CDH26: variants seen among roughly 807,000 people sequenced by gnomAD.
The protein encoded by CDH26 is cadherin-like protein 26.
In CDH26, 83 loss-of-function variants were observed where a neutral mutation model predicts 90.3. The observed-to-expected ratio is 0.92, with a 90% CI of 0.77 to 1.10. The LOEUF (loss-of-function observed/expected upper bound fraction) is 1.10, where lower values mean the gene tolerates loss of function less well. Ranked by LOEUF, CDH26 falls within the 50% of genes least tolerant of loss-of-function variation. CDH26 has a pLI of 0.00. For missense variants in CDH26, 1,013 were observed against 1,037.6 expected (o/e 0.98, Z 0.33); for synonymous variants, 397 against 396.3 (o/e 1.00, Z -0.02).
At chr20:59,971,066 C>T (rs1480261397) in intron 3 of CDH26, among the ~76,000 whole-genome samples, 2 of 152,122 alleles carry the variant, frequency 1.3e-5, no homozygotes, top group Non-Finnish European at 2.9e-5. Context: ...AGAATCTTTA[C>T]ACCAGGCTCA....
intron 1 of CDH26, among the ~76,000 whole-genome samples, chr20:59,968,007 CTTT>C (rs1344634970): frequency 1.7e-5 from 2 of 118,760 alleles, no homozygotes; most frequent in South Asian, 2.7e-4. Flanking sequence ...TTCTTTCTTT[CTTT>C]CTTCCTTTCT....
At chr20:59,983,171 GT>G in intron 5 of CDH26, 101 bp downstream of exon 5, 1 of 1,363,884 alleles carries the variant, frequency 7.3e-7, no homozygotes, top group Non-Finnish European at 1.0e-6. Context: ...TTCAGGGAGA[GT>G]TTTTACTGTT....
At chr20:59,966,860 G>A (rs1274746650) in intron 1 of CDH26, among the ~76,000 whole-genome samples, 1 of 152,080 alleles carries the variant, frequency 6.6e-6, no homozygotes, top group Non-Finnish European at 1.5e-5. Flanking sequence ...CCATCACTAG[G>A]AGAATGGATA....
At chr20:60,034,752 A>C (rs1206042858), downstream of CDH26, among the ~76,000 whole-genome samples, 2 of 152,228 alleles carry the variant, frequency 1.3e-5, no homozygotes, top group Non-Finnish European at 2.9e-5. Context: ...ACTGGAGCCA[A>C]GGCCCTGTCT....
At chr20:59,991,095 C>G (rs993206859) in intron 9 of CDH26, among the ~76,000 whole-genome samples, 1 of 152,052 alleles carries the variant, frequency 6.6e-6, no homozygotes, top group Non-Finnish European at 1.5e-5. Flanking sequence ...GTTTCCAACC[C>G]ACCCATAGAA....
In CDH26 at chr20:59,994,262, A is replaced by T; in HGVS notation, c.1439A>T (p.Gln480Leu). The change falls in exon 11 of 18, where the codon CAG becomes CTG. Residue 480 changes from glutamine to leucine, a missense_variant. By Grantham distance (113) the Gln-to-Leu change is moderately radical. Coordinates refer to ENST00000348616, the MANE Select transcript of CDH26 (RefSeq NM_177980.4). ...IHAVDDGFPP[Q>L]TATGTLMLFL... The stretch of plus-strand genomic sequence containing the variant: ...CTCCCCATACAAGGCTTCCCACCGC[A>T]GACTGCTACAGGGACCCTAATGCTC... 1 of 1,613,964 alleles carries T rather than the reference A, an allele frequency of 6.2e-7. No individual in the cohort carries two copies. The highest frequency in any genetic ancestry group is 8.5e-7 in the Non-Finnish European group (1 of 1,180,006).
In CDH26 at chr20:59,987,602, C is replaced by T. The variant is rs750282815; in HGVS notation, c.987C>T (p.Asp329=). 2.5e-6 allele frequency: 4 copies of T among 1,613,558 alleles called. No individual in the cohort carries two copies. In the South Asian group the frequency reaches 4.4e-5, roughly 18 times the overall value. Residue 329 remains aspartate (D), a synonymous_variant, in exon 8 of 18, where the codon GAC becomes GAT. Transcript: ENST00000348616. ...AGGGGCATTTTGACATTTCGACTGACCCTGAGACCAACGAAGGGATATTAA... is the reference window on the plus strand; with the variant it reads ...AGGGGCATTTTGACATTTCGACTGATCCTGAGACCAACGAAGGGATATTAA... The part of the protein sequence containing the change: ...NEEGHFDIST[D]PETNEGILNV...
intron 16 of CDH26, among the ~76,000 whole-genome samples, chr20:60,006,499 A>G (rs1036065560): frequency 1.3e-5 from 2 of 152,154 alleles, no homozygotes; most frequent in African/African-American, 2.4e-5. Context: ...CAGCCCAGGC[A>G]TTGGAAAGTC....
chr20:60,035,530 T>C (rs2122806765), downstream of CDH26, among the ~76,000 whole-genome samples: 1 of 152,344 alleles, frequency 6.6e-6, no homozygotes, highest in South Asian at 2.1e-4. Flanking sequence ...GAGCCACTTA[T>C]TTTCCTGTGA....
chr20:60,001,274 C>T, intron 14 of CDH26, 69 bp from the exon 15 acceptor site: 1 of 1,592,190 alleles, frequency 6.3e-7, no homozygotes, highest in Non-Finnish European at 8.6e-7. Context: ...AGAGGTCACG[C>T]ATGCCCACTT....
Position 59,989,119 on chromosome 20 carries a change from C to T in CDH26, c.1239C>T (p.Thr413=). Residue 413 remains threonine (T), a synonymous_variant, in exon 9 of 18, where the codon ACC becomes ACT. Coordinates refer to ENST00000348616, the MANE Select transcript of CDH26 (RefSeq NM_177980.4). ...VNKEEGARPG[T]LLGTFNAMDP... is the part of the protein sequence containing the mutation. ...AAGAGGAGGGCGCCAGGCCTGGGAC[C>T]CTGTTGGGAACTTTTAATGCCATGG... 2 of 1,614,164 alleles carry T rather than the reference C, an allele frequency of 1.2e-6. No individual in the cohort carries two copies. Among genetic ancestry groups the T allele is most frequent in the Non-Finnish European group, 1.7e-6 (2 of 1,180,034 alleles).
At chr20:60,021,883 C>CATAT (rs1192514496) in intron 7 of CDH26, among the ~76,000 whole-genome samples, 1 of 65,544 alleles carries the variant, frequency 1.5e-5, no homozygotes, top group Non-Finnish European at 4.0e-5. Context: ...CACACACACA[C>CATAT]ACACACACAC....
exon 8 of CDH26, chr20:60,031,310 C>T (rs1198250952): frequency 1.5e-6 from 2 of 1,294,404 alleles, no homozygotes; most frequent in Non-Finnish European, 2.0e-6. Flanking sequence ...CGAGGATTGC[C>T]ACAAGACATT....
intron 7 of CDH26, among the ~76,000 whole-genome samples, chr20:60,028,837 A>G (rs2062018358): frequency 6.6e-6 from 1 of 152,264 alleles, no homozygotes. Context: ...CTGAGGATAT[A>G]TTCAAAGAAT....
chr20:59,971,023 T>C (rs2145974684), intron 3 of CDH26, among the ~76,000 whole-genome samples: 1 of 152,226 alleles, frequency 6.6e-6, no homozygotes, highest in East Asian at 1.9e-4. Flanking sequence ...GGGTGAGCAC[T>C]GCCTTGAAGA....
chr20:59,969,562 T>G (rs2061225163), intron 2 of CDH26, among the ~76,000 whole-genome samples: 1 of 152,232 alleles, frequency 6.6e-6, no homozygotes. Context: ...TGCTTTAAAT[T>G]TCATATATTC....
chr20:59,985,415 A>G (rs531444916), intron 7 of CDH26, among the ~76,000 whole-genome samples: 2 of 152,044 alleles, frequency 1.3e-5, no homozygotes, highest in Non-Finnish European at 2.9e-5. Flanking sequence ...TGACAACAAG[A>G]GCATGCAAGA....
intron 15 of CDH26, among the ~76,000 whole-genome samples, chr20:60,002,240 T>C (rs533693080): frequency 1.3e-5 from 2 of 152,214 alleles, no homozygotes; most frequent in East Asian, 2.0e-4. Context: ...ATGTTCTTCT[T>C]TGCACAAAGA....
At chr20:60,003,693 T>C (rs2061704277) in intron 16 of CDH26, among the ~76,000 whole-genome samples, 1 of 152,200 alleles carries the variant, frequency 6.6e-6, no homozygotes, top group African/African-American at 2.4e-5. Flanking sequence ...ATTATAAAAA[T>C]AATATTCAAT....
Sources: allele counts gnomAD v4.1 joint callset (sites outside exome capture counted in the v4.1 genomes callset), GRCh38; gene constraint gnomAD v4.1.1; transcripts MANE v1.5; gene names NCBI Gene and HGNC (gene_info 2026-07-23, HGNC 2026-07-21).